Variants in ARMH3 observed in about 807,000 individuals in gnomAD.
ARMH3 encodes the protein armadillo like helical domain containing 3.
ARMH3 carries 60 observed loss-of-function variants against 99.1 expected under a neutral mutation model. The observed-to-expected ratio is 0.61, with a 90% CI of 0.49 to 0.75. ARMH3 has a LOEUF of 0.75. Among genes scored for constraint, ARMH3 ranks in the 30% least tolerant of loss-of-function variants. ARMH3 has a pLI of 0.00. For missense variants in ARMH3, 679 were observed against 843.1 expected (o/e 0.81, Z 2.41); for synonymous variants, 285 against 292.8 (o/e 0.97, Z 0.27).
chr10:101,939,606 A>T (rs1486927607), intron 23 of ARMH3, among the ~76,000 whole-genome samples: 5 of 152,194 alleles, frequency 3.3e-5, no homozygotes, highest in Admixed American at 1.3e-4. Flanking sequence ...GGCAACTAGC[A>T]TGCCTGAAAA....
intron 24 of ARMH3, among the ~76,000 whole-genome samples, chr10:101,880,076 G>T (rs144968277): frequency 6.6e-6 from 1 of 152,224 alleles, no homozygotes; most frequent in African/African-American, 2.4e-5. Flanking sequence ...GGCCAGTGCC[G>T]GTGTCACATG....
intron 22 of ARMH3, among the ~76,000 whole-genome samples, chr10:101,948,171 C>T (rs1417682923): frequency 1.3e-5 from 2 of 151,984 alleles, no homozygotes; most frequent in Non-Finnish European, 2.9e-5. Flanking sequence ...GGATAATAAA[C>T]ACGACCCAAC....
chr10:101,956,347 TTCTC>T (rs138724899), intron 22 of ARMH3, among the ~76,000 whole-genome samples: 1 of 150,824 alleles, frequency 6.6e-6, no homozygotes, highest in African/African-American at 2.4e-5. Context: ...AGCCTCCCTA[TTCTC>T]TCTCTCTCTC....
chr10:101,985,032 C>A (rs1237701295), intron 19 of ARMH3, among the ~76,000 whole-genome samples: 1 of 151,180 alleles, frequency 6.6e-6, no homozygotes, highest in Non-Finnish European at 1.5e-5. Context: ...AGCACCACTG[C>A]ACTCTATCCT....
chr10:102,008,715 G>A (rs941134259), intron 13 of ARMH3, among the ~76,000 whole-genome samples: 6 of 151,728 alleles, frequency 4.0e-5, no homozygotes, highest in Non-Finnish European at 8.8e-5. Context: ...ACCACGCCCA[G>A]CTATTTTTTT....
At chr10:102,011,934 T>A in intron 10 of ARMH3, 151 bp from the exon 11 acceptor site, 1 of 617,610 alleles carries the variant, frequency 1.6e-6, no homozygotes. Context: ...TGACAATCCC[T>A]GCAAGCTAAG....
chr10:101,971,236 A>AT (rs1411814969), intron 20 of ARMH3, among the ~76,000 whole-genome samples: 1 of 152,106 alleles, frequency 6.6e-6, no homozygotes, highest in Non-Finnish European at 1.5e-5. Flanking sequence ...TGCAAAGGAG[A>AT]TTGCTAACCT....
At chr10:101,916,005 C>T (rs1259693293) in intron 23 of ARMH3, among the ~76,000 whole-genome samples, 1 of 152,066 alleles carries the variant, frequency 6.6e-6, no homozygotes, top group Admixed American at 6.5e-5. Flanking sequence ...GGGGTTTCAC[C>T]GTGTTAGCGA....
intron 4 of ARMH3, among the ~76,000 whole-genome samples, chr10:102,031,959 C>T (rs2067141467): frequency 6.6e-6 from 1 of 152,130 alleles, no homozygotes; most frequent in Non-Finnish European, 1.5e-5. Flanking sequence ...AGGATGGTCT[C>T]GATCTCCTGA....
At chr10:101,864,077 AAACACAC>A (rs1302906612) in intron 24 of ARMH3, among the ~76,000 whole-genome samples, 16 of 130,406 alleles carry the variant, frequency 1.2e-4, no homozygotes, top group African/African-American at 4.3e-4. Flanking sequence ...AAAAAAAAAA[AAACACAC>A]ACACACACAC....
chr10:102,030,842 C>T (rs2067113574), intron 4 of ARMH3, among the ~76,000 whole-genome samples: 1 of 151,988 alleles, frequency 6.6e-6, no homozygotes, highest in Admixed American at 6.6e-5. Flanking sequence ...AGTGCAGTGG[C>T]GTGAGTGATC....
At chr10:102,044,371 G>A (rs1284098665) in intron 1 of ARMH3, among the ~76,000 whole-genome samples, 3 of 150,068 alleles carry the variant, frequency 2.0e-5, no homozygotes, top group East Asian at 2.0e-4. Flanking sequence ...CACCATGCCC[G>A]GCCTTTTTTT....
intron 24 of ARMH3, among the ~76,000 whole-genome samples, chr10:101,881,734 C>T (rs1397180023): frequency 1.3e-5 from 2 of 152,154 alleles, no homozygotes; most frequent in African/African-American, 4.8e-5. Context: ...GATTAAATGA[C>T]TGACATATTT....
chr10:101,881,651 T>C (rs1216802668), intron 24 of ARMH3, among the ~76,000 whole-genome samples: 1 of 152,130 alleles, frequency 6.6e-6, no homozygotes, highest in Admixed American at 6.5e-5. Context: ...TAATAAATGC[T>C]TGTGAATTGA....
intron 23 of ARMH3, among the ~76,000 whole-genome samples, chr10:101,933,223 T>A (rs989652155): frequency 2.0e-5 from 3 of 152,178 alleles, no homozygotes; most frequent in Non-Finnish European, 2.9e-5. Flanking sequence ...AAATTTTATG[T>A]TATGTGTATT....
chr10:101,909,152 A>T (rs1397392060), intron 23 of ARMH3, among the ~76,000 whole-genome samples: 1 of 151,722 alleles, frequency 6.6e-6, no homozygotes, highest in Non-Finnish European at 1.5e-5. Flanking sequence ...CACTCCTATA[A>T]TCCCAGCACT....
chr10:101,888,538 A>G (rs886221270), intron 24 of ARMH3, among the ~76,000 whole-genome samples: 1 of 152,238 alleles, frequency 6.6e-6, no homozygotes, highest in Non-Finnish European at 1.5e-5. Context: ...ACTGAAACAC[A>G]TGGTCAAATC....
At chr10:101,904,963 A>AAAAG (rs1334576322) in intron 23 of ARMH3, among the ~76,000 whole-genome samples, 1 of 151,740 alleles carries the variant, frequency 6.6e-6, no homozygotes, top group Non-Finnish European at 1.5e-5. Flanking sequence ...AAAAAAAAAA[A>AAAAG]AAAGAAAGAA....
At chr10:101,893,287 C>T (rs1052201811) in intron 23 of ARMH3, among the ~76,000 whole-genome samples, 2 of 152,074 alleles carry the variant, frequency 1.3e-5, no homozygotes, top group African/African-American at 4.8e-5. Context: ...CAGGTATCTT[C>T]GAAAAAGATT....
Sources: allele counts gnomAD v4.1 joint callset (sites outside exome capture counted in the v4.1 genomes callset), GRCh38; gene constraint gnomAD v4.1.1; transcripts MANE v1.5; gene names NCBI Gene and HGNC (gene_info 2026-07-23, HGNC 2026-07-21).